The following CA6 variants were observed in gnomAD, a reference collection of about 807,000 sequenced individuals.
CA6 encodes carbonic anhydrase 6.
Under a neutral mutation model 35.9 loss-of-function variants are expected in CA6, and 28 were observed. The observed-to-expected ratio is 0.78, with a 90% confidence interval of 0.58 to 1.07. The LOEUF (loss-of-function observed/expected upper bound fraction) is 1.07, where lower values mean the gene tolerates loss of function less well. Among genes scored for constraint, CA6 ranks in the 50% least tolerant of loss-of-function variants. The probability of loss-of-function intolerance (pLI) is 0.00; values close to 1 mark genes in which losing one functional copy is unlikely to be tolerated. For synonymous variants in CA6, 148 were observed against 152.6 expected (o/e 0.97, Z 0.22); for missense variants, 377 against 382.0 (o/e 0.99, Z 0.11).
chr1:8,953,530 G>T (rs1639594791), intron 2 of CA6, among the ~76,000 whole-genome samples: 1 of 152,118 alleles, frequency 6.6e-6, no homozygotes, highest in Admixed American at 6.6e-5. Flanking sequence ...GAGGTGCGAG[G>T]CTCACTTGAG....
At chr1:8,970,503 T>G (rs1257279336) in intron 6 of CA6, among the ~76,000 whole-genome samples, 5 of 152,010 alleles carry the variant, frequency 3.3e-5, no homozygotes, top group Admixed American at 1.3e-4. Context: ...AGTTGTTAAT[T>G]CTTTTTTATT....
intron 6 of CA6, among the ~76,000 whole-genome samples, chr1:8,968,519 G>C (rs1039573990): frequency 6.6e-6 from 1 of 152,038 alleles, no homozygotes; most frequent in African/African-American, 2.4e-5. Context: ...AGACATTATA[G>C]ATGAGAACCA....
chr1:8,968,152 G>C (rs1310424597), intron 6 of CA6, among the ~76,000 whole-genome samples: 1 of 151,910 alleles, frequency 6.6e-6, no homozygotes, highest in Non-Finnish European at 1.5e-5. Context: ...TTTTAGTAGG[G>C]ACAGGGTTTT....
chr1:8,974,556 C>T lies in CA6; in HGVS notation c.845-66C>T, dbSNP rs184099715. On this transcript the variant is annotated intron_variant, in intron 7 of 7. Coordinates refer to ENST00000377443, the MANE Select transcript of CA6 (RefSeq NM_001215.4). ...ATGCGGGTATGGTGTCTGGCCGTCC[C>T]CCTTCTCTGTTTTTGTGAGGACTGT... 5.2e-4 allele frequency: 735 copies of T among 1,424,552 alleles called. 3 individuals carry two copies. Among genetic ancestry groups the T allele is most frequent in the South Asian group, 1.6e-3 (131 of 82,210 alleles). 88.2% of individuals were successfully genotyped at this position (1,424,552 alleles called of 1,614,324 possible). A position where few individuals can be genotyped will look rare whatever the true frequency, so the allele number is the denominator to read the frequency against.
chr1:8,958,867 T>C (rs554315483), intron 3 of CA6, 43 bp from the exon 4 acceptor site: 1 of 1,063,250 alleles, frequency 9.4e-7, no homozygotes, highest in African/African-American at 1.6e-5. Flanking sequence ...AGCATTTGAA[T>C]TTCTATGAAC....
chr1:8,971,597 C>A (rs1640112808), intron 7 of CA6, among the ~76,000 whole-genome samples: 1 of 152,182 alleles, frequency 6.6e-6, no homozygotes, highest in Middle Eastern at 3.2e-3. Flanking sequence ...AGGCGGGAGC[C>A]ACCGTGCCTG....
intron 3 of CA6, among the ~76,000 whole-genome samples, chr1:8,958,554 C>T (rs928322197): frequency 5.3e-5 from 8 of 152,156 alleles, no homozygotes; most frequent in African/African-American, 1.2e-4. Context: ...GGACAAGGGG[C>T]GCAAGCTCAC....
At chr1:8,949,235 C>A (rs748340427) in intron 1 of CA6, 28 bp from the exon 2 acceptor site, 7 of 1,553,322 alleles carry the variant, frequency 4.5e-6, no homozygotes, top group Admixed American at 1.9e-5. Context: ...GCCAGGCAGC[C>A]CCTTGAACTG....
At chr1:8,960,447 A>G (rs1639809537) in intron 4 of CA6, among the ~76,000 whole-genome samples, 1 of 151,956 alleles carries the variant, frequency 6.6e-6, no homozygotes. Flanking sequence ...AAAGGAAACT[A>G]TGTTCAAAGA....
intron 2 of CA6, chr1:8,951,831 T>TC (rs1639544653): frequency 3.1e-6 from 1 of 324,248 alleles, no homozygotes; most frequent in Non-Finnish European, 5.4e-6. Context: ...AAACAATTTT[T>TC]TTTTTTGAGA....
intron 7 of CA6, 85 bp from the exon 8 acceptor site, chr1:8,974,537 G>A: frequency 7.1e-7 from 1 of 1,417,662 alleles, no homozygotes; most frequent in Non-Finnish European, 9.8e-7. Context: ...TACGATGCGG[G>A]TATGGTGTCT....
At chr1:8,962,439 T>C (rs1283794171) in intron 4 of CA6, 148 bp from the exon 5 acceptor site, 1 of 663,750 alleles carries the variant, frequency 1.5e-6, no homozygotes, top group Non-Finnish European at 2.7e-6. Context: ...AGCCAGACTG[T>C]CTCTGCCAAA....
chr1:8,959,074 A>G (rs1035553309), intron 4 of CA6, 72 bp downstream of exon 4: 4 of 852,278 alleles, frequency 4.7e-6, no homozygotes, highest in Non-Finnish European at 6.0e-6. Flanking sequence ...TGTGAAGTCT[A>G]GTTGAACAGT....
intron 4 of CA6, among the ~76,000 whole-genome samples, 193 bp downstream of exon 4, chr1:8,959,195 A>C (rs571690605): frequency 1.3e-5 from 2 of 152,310 alleles, no homozygotes; most frequent in African/African-American, 4.8e-5. Flanking sequence ...GACCTTGGTT[A>C]ACGTGGACAA....
Position 8,970,843 on chromosome 1 carries a change from A to G in CA6, c.730-24A>G, listed in dbSNP as rs201902422. ...AATTACCCAGTGACTCTTCCCCTCC[A>G]TAATGCACTCACGTTGCCCCCAGGT... is the stretch of plus-strand genomic sequence containing the variant. On this transcript the variant is annotated intron_variant, in intron 6 of 7. Coordinates refer to ENST00000377443, the MANE Select transcript of CA6 (RefSeq NM_001215.4). 2.3e-3 allele frequency: 3,235 copies of G among 1,397,318 alleles called. 5 individuals carry two copies. Among genetic ancestry groups the G allele is most frequent in the Non-Finnish European group, 2.5e-3 (2,486 of 982,522 alleles). The allele number at this position is 1,397,318 out of a possible 1,614,324, so 86.6% of individuals were successfully genotyped here.
At chr1:8,959,150 A>C (rs972223110) in intron 4 of CA6, 148 bp downstream of exon 4, 1 of 618,520 alleles carries the variant, frequency 1.6e-6, no homozygotes, top group East Asian at 2.9e-5. Flanking sequence ...ACTCGATGGA[A>C]GATCACTGTG....
intron 4 of CA6, among the ~76,000 whole-genome samples, chr1:8,961,535 A>G (rs528664064): frequency 7.2e-5 from 11 of 152,340 alleles, no homozygotes; most frequent in Admixed American, 7.2e-4. Context: ...CATTTGAGCA[A>G]CCACTAAGAA....
At chr1:8,962,770 C>T in intron 5 of CA6, 114 bp downstream of exon 5, 1 of 879,072 alleles carries the variant, frequency 1.1e-6, no homozygotes. Context: ...GCCCGTGGGC[C>T]CTGCCAAGGG....
Position 8,963,662 on chromosome 1 carries a change from C to T in CA6, c.571+1006C>T, listed in dbSNP as rs937897099. 1.3e-5 allele frequency among the ~76,000 whole-genome samples: 2 copies of T among 152,030 alleles called. No homozygotes were observed. The highest frequency in any genetic ancestry group is 4.8e-5 in the African/African-American group (2 of 41,380). On this transcript the variant is annotated intron_variant, in intron 5 of 7. Coordinates refer to ENST00000377443, the MANE Select transcript of CA6 (RefSeq NM_001215.4). This position sits in a 1 kb window ranked among gnomAD's most constrained non-coding sequence, Gnocchi z 4.1. Reference sequence around the variant, plus strand: ...ACTCAGTTGATCCTCCCACCTCAGCCTCCTGAGTAGCTGGGACTACAGGTG... The same window carrying T: ...ACTCAGTTGATCCTCCCACCTCAGCTTCCTGAGTAGCTGGGACTACAGGTG...
Sources: gnomAD v4.1 joint callset for allele counts (sites outside exome capture counted in the v4.1 genomes callset) on GRCh38, gnomAD v4.1.1 for gene constraint, Gnocchi (gnomAD v3.1) non-coding constraint, MANE v1.5 for transcripts, NCBI Gene and HGNC (gene_info 2026-07-23, HGNC 2026-07-21) for gene names.